ATF7IP: variants seen among roughly 807,000 people sequenced by gnomAD.
ATF7IP encodes activating transcription factor 7-interacting protein 1.
Under a neutral mutation model 106.4 loss-of-function variants are expected in ATF7IP, and 23 were observed. The observed-to-expected ratio is 0.22, with a 90% CI of 0.16 to 0.31. ATF7IP has a LOEUF of 0.31. ATF7IP is among the 10% of genes least tolerant of loss of function. The probability of loss-of-function intolerance (pLI) is 1.00; values close to 1 mark genes in which losing one functional copy is unlikely to be tolerated. For synonymous variants in ATF7IP, 542 were observed against 539.0 expected, an observed-to-expected ratio of 1.01 and a Z score of -0.08; for missense variants, 1,334 against 1,524.3, an observed-to-expected ratio of 0.88 and a Z score of 2.08.
rs943113742 is a variant in ATF7IP at position 14,460,993 on chromosome 12, G to A, written c.2657G>A (p.Arg886Lys). The A allele has an allele frequency of 9.3e-6, 15 of 1,614,114 alleles. No individual in the cohort carries two copies. Among genetic ancestry groups the A allele is most frequent in the Non-Finnish European group, 1.2e-5 (14 of 1,180,034 alleles). ...GCACACTCTATTGTACAAGCCACAA[G>A]GACTTCTTTACCCACAGTGGGCCCA... ...PTAHSIVQATRTSLPTVGPSG... is the reference protein window; with the variant it reads ...PTAHSIVQATKTSLPTVGPSG... Residue 886 changes from arginine (R) to lysine (K), a missense_variant, in exon 9 of 15, where the codon AGG (arginine) becomes AAG (lysine). Physicochemically the swap from Arg to Lys is conservative, Grantham distance 26. Around this residue, in one of 10 missense-constraint regions of ATF7IP, gnomAD observed 370 missense variants for 401.2 expected, o/e 0.92. Transcript: ENST00000261168.
At chr12:14,394,839 T>C (rs1448133176) in intron 1 of ATF7IP, 2 of 152,290 alleles carry the variant, frequency 1.3e-5, no homozygotes, top group Admixed American at 6.5e-5. Flanking sequence ...ATGTGGGAGG[T>C]ACTTAACTGC....
chr12:14,432,240 A>G (rs1942175865), intron 2 of ATF7IP, among the ~76,000 whole-genome samples: 1 of 152,246 alleles, frequency 6.6e-6, no homozygotes, highest in Non-Finnish European at 1.5e-5. Context: ...GATTTGCTAA[A>G]TAAAGACTAT....
At chr12:14,408,528 A>AG (rs1282563783) in intron 1 of ATF7IP, 1 of 152,178 alleles carries the variant, frequency 6.6e-6, no homozygotes, top group Non-Finnish European at 1.5e-5. Flanking sequence ...AGATGGCTGC[A>AG]GGGGGCTCCC....
At position 14,491,833 on chromosome 12, in the gene ATF7IP, A is replaced by C. The variant is rs1390085362; in HGVS notation, c.3281-4398A>C. On this transcript the variant is annotated intron_variant, in intron 13 of 14. Coordinates refer to ENST00000261168, the MANE Select transcript of ATF7IP (RefSeq NM_018179.5). ...CAGCTGCAGTTAGAGTCACCACTTG[A>C]TTAAGCTTACAGTAATCCACTGCCA... 5.9e-5 allele frequency among the ~76,000 whole-genome samples: 9 copies of C among 152,316 alleles called. No homozygotes were observed. In the South Asian group the frequency reaches 1.4e-3, roughly 25 times the overall value.
At chr12:14,467,551 A>G (rs973101625) in intron 10 of ATF7IP, among the ~76,000 whole-genome samples, 1 of 152,182 alleles carries the variant, frequency 6.6e-6, no homozygotes, top group African/African-American at 2.4e-5. Context: ...TAAGATTGAG[A>G]TACTTTCTGG....
chr12:14,408,959 A>G (rs902354005), intron 1 of ATF7IP, among the ~76,000 whole-genome samples: 1 of 152,136 alleles, frequency 6.6e-6, no homozygotes. Flanking sequence ...CACTAATATT[A>G]TACTAGAATA....
chr12:14,470,798 T>C (rs908805245), intron 10 of ATF7IP, among the ~76,000 whole-genome samples: 5 of 152,190 alleles, frequency 3.3e-5, no homozygotes, highest in Admixed American at 6.5e-5. Context: ...CAATTTTATT[T>C]GTCAAAAAAG....
chr12:14,441,877 G>T (rs998661766), intron 5 of ATF7IP, among the ~76,000 whole-genome samples: 3 of 152,092 alleles, frequency 2.0e-5, no homozygotes, highest in Non-Finnish European at 4.4e-5. Context: ...TCTGTAATTT[G>T]TCTACAACTT....
chr12:14,368,252 A>T (rs1034012406), intron 1 of ATF7IP, among the ~76,000 whole-genome samples: 3 of 152,100 alleles, frequency 2.0e-5, no homozygotes, highest in Non-Finnish European at 4.4e-5. Context: ...AATGTTTATT[A>T]ATTAGTTTTT....
In ATF7IP at chr12:14,501,633, T is replaced by C. The variant is rs1367707272; in HGVS notation, c.*3560T>C. The C allele has an allele frequency of 1.3e-5, 2 of 152,210 alleles. No homozygotes were observed. Among genetic ancestry groups the C allele is most frequent in the Non-Finnish European group, 2.9e-5 (2 of 68,028 alleles). The allele number at this position is 152,210 out of a possible 1,614,324, so 9.4% of individuals were successfully genotyped here. On this transcript the variant is annotated 3_prime_UTR_variant, in exon 15 of 15. Coordinates refer to ENST00000261168, the MANE Select transcript of ATF7IP (RefSeq NM_018179.5). ...TTTATGAGAGAAGTGGAGAGCTTTC[T>C]TCCTTGAAAAGTCGGTATTTGTTGA...
chr12:14,463,949 A>G (rs1306611846), intron 9 of ATF7IP, among the ~76,000 whole-genome samples: 1 of 152,178 alleles, frequency 6.6e-6, no homozygotes, highest in Non-Finnish European at 1.5e-5. Context: ...GATTTGGGGG[A>G]AAGTTATATA....
intron 6 of ATF7IP, among the ~76,000 whole-genome samples, chr12:14,455,762 T>G (rs1223897998): frequency 3.3e-5 from 5 of 152,010 alleles, no homozygotes; most frequent in Admixed American, 1.3e-4. Context: ...TTTTTGTATT[T>G]TTTTTTTAGA....
chr12:14,382,486 T>C (rs1327501708), intron 1 of ATF7IP, among the ~76,000 whole-genome samples: 2 of 152,172 alleles, frequency 1.3e-5, no homozygotes, highest in South Asian at 4.1e-4. Context: ...AATAAGCACA[T>C]AGTAGTTCCC....
rs36088397 is a variant in ATF7IP at position 14,441,487 on chromosome 12, C to CTT, written c.1929+3239_1929+3240dup. ...ATTTATATATTCTGGATACCAAAGT[C>CTT]TTTTTTTTTTTTTTTTTTTTGAGAC... is the stretch of plus-strand genomic sequence containing the variant. On this transcript the variant is annotated intron_variant, in intron 5 of 14. Transcript: ENST00000261168. Among the ~76,000 whole-genome samples the CTT allele has an allele frequency of 7.3e-3, 765 of 105,264 alleles. 19 individuals carry two copies. The highest frequency in any genetic ancestry group is 9.1e-3 in the Non-Finnish European group (481 of 52,834). 69.1% of individuals were successfully genotyped at this position (105,264 alleles called of 152,430 possible). A position where few individuals can be genotyped will look rare whatever the true frequency, so the allele number is the denominator to read the frequency against.
chr12:14,494,272 C>T (rs1203351682), intron 13 of ATF7IP, among the ~76,000 whole-genome samples: 1 of 99,462 alleles, frequency 1.0e-5, no homozygotes, highest in Non-Finnish European at 2.0e-5. Context: ...TCTAGGGGGA[C>T]AGAGCTAATA....
chr12:14,399,215 G>A (rs1282030921), intron 1 of ATF7IP, among the ~76,000 whole-genome samples: 2 of 151,970 alleles, frequency 1.3e-5, no homozygotes, highest in Non-Finnish European at 2.9e-5. Flanking sequence ...TTTTAGCAAA[G>A]GTCTGCATTC....
intron 5 of ATF7IP, among the ~76,000 whole-genome samples, chr12:14,440,003 C>G (rs1013135881): frequency 6.6e-6 from 1 of 152,134 alleles, no homozygotes; most frequent in African/African-American, 2.4e-5. Context: ...CTTTCTAACA[C>G]CAAGCCAATC....
intron 13 of ATF7IP, among the ~76,000 whole-genome samples, chr12:14,491,258 C>T (rs1944811098): frequency 6.6e-6 from 1 of 152,172 alleles, no homozygotes; most frequent in African/African-American, 2.4e-5. Flanking sequence ...GAGTAACACA[C>T]CCACATGAGG....
At chr12:14,494,313 A>ATG (rs1228235017) in intron 13 of ATF7IP, among the ~76,000 whole-genome samples, 2 of 92,684 alleles carry the variant, frequency 2.2e-5, no homozygotes, top group African/African-American at 9.4e-5. Flanking sequence ...ATATATATAT[A>ATG]TATATATATA....
Sources: gnomAD v4.1 joint callset for allele counts (sites outside exome capture counted in the v4.1 genomes callset) on GRCh38, gnomAD v4.1.1 for gene constraint, gnomAD v4.1.1 regional missense constraint, MANE v1.5 for transcripts, NCBI Gene and HGNC (gene_info 2026-07-23, HGNC 2026-07-21) for gene names.